Variants in NKAIN3 observed in about 807,000 individuals in gnomAD.
The protein encoded by NKAIN3 is sodium/potassium-transporting ATPase subunit beta-1-interacting protein 3.
In NKAIN3, 25 loss-of-function variants were observed where a neutral mutation model predicts 30.2. The observed-to-expected ratio is 0.83, with a 90% CI of 0.60 to 1.16. The LOEUF is 1.16. Among genes scored for constraint, NKAIN3 ranks in the 50% most tolerant of loss-of-function variants. The pLI is 0.00. For missense variants in NKAIN3, 225 were observed against 254.1 expected (o/e 0.89, Z 0.78); for synonymous variants, 91 against 89.6 (o/e 1.02, Z -0.09).
intron 1 of NKAIN3, among the ~76,000 whole-genome samples, chr8:62,566,861 T>G (rs1280179822): frequency 6.6e-6 from 1 of 152,122 alleles, no homozygotes; most frequent in African/African-American, 2.4e-5. Flanking sequence ...CAAATGATTT[T>G]CCTTATTATA....
In NKAIN3 at chr8:62,860,001, A is replaced by T. The variant is rs367997030; in HGVS notation, c.472-58452A>T. 3.3e-5 allele frequency among the ~76,000 whole-genome samples: 5 copies of T among 152,296 alleles called. No individual in the cohort carries two copies. The East Asian group carries it at 7.7e-4, about 24-fold the overall frequency. On this transcript the variant is annotated intron_variant, in intron 4 of 6. Transcript: ENST00000623646. ...TTTTCATTTTGAATTGTGGAGCCAG[A>T]CTGTGTCTCTATGTTGAGGGGAGGA...
intron 1 of NKAIN3, among the ~76,000 whole-genome samples, chr8:62,421,128 C>G (rs999818261): frequency 6.6e-6 from 1 of 152,128 alleles, no homozygotes; most frequent in African/African-American, 2.4e-5. Flanking sequence ...AAGGTCAGTC[C>G]TTACCATGAG....
intron 1 of NKAIN3, among the ~76,000 whole-genome samples, chr8:62,454,909 CT>C (rs1292259457): frequency 8.5e-5 from 13 of 152,206 alleles, no homozygotes; most frequent in Admixed American, 8.5e-4. Context: ...CTGAAAGCGC[CT>C]TGTATAGTGA....
chr8:62,887,354 T>G (rs1821176625), intron 4 of NKAIN3, among the ~76,000 whole-genome samples: 1 of 152,164 alleles, frequency 6.6e-6, no homozygotes, highest in Non-Finnish European at 1.5e-5. Context: ...ATGTAGTTTT[T>G]TTGGCATTTA....
Position 62,655,774 on chromosome 8 carries a change from G to T in NKAIN3, c.273+65980G>T, listed in dbSNP as rs563632182. On this transcript the variant is annotated intron_variant, in intron 3 of 6. Transcript: ENST00000623646. The stretch of plus-strand genomic sequence containing the variant: ...ATACAGGTTTGGAATTCAGGAAGGG[G>T]ATGATGATGTATATTTTGGTGTCCA... Among the ~76,000 whole-genome samples the T allele has an allele frequency of 7.2e-5, 11 of 152,172 alleles. No individual in the cohort carries two copies. In the East Asian group the frequency reaches 2.1e-3, roughly 29 times the overall value.
chr8:62,666,127 T>C (rs1158434352), intron 3 of NKAIN3, among the ~76,000 whole-genome samples: 1 of 151,994 alleles, frequency 6.6e-6, no homozygotes, highest in East Asian at 1.9e-4. Flanking sequence ...GGCAGAGAAT[T>C]GCTTGAACCC....
At chr8:62,555,281 A>G (rs1297947310) in intron 1 of NKAIN3, among the ~76,000 whole-genome samples, 1 of 152,174 alleles carries the variant, frequency 6.6e-6, no homozygotes, top group Non-Finnish European at 1.5e-5. Context: ...AAATAGCTGA[A>G]TTAAATCCAC....
At chr8:62,662,807 G>A (rs1269645158) in intron 3 of NKAIN3, among the ~76,000 whole-genome samples, 4 of 152,154 alleles carry the variant, frequency 2.6e-5, no homozygotes, top group Non-Finnish European at 4.4e-5. Context: ...GAATGTGTTT[G>A]GGAGATGATT....
At chr8:62,676,726 T>TC (rs1813489848) in intron 3 of NKAIN3, among the ~76,000 whole-genome samples, 1 of 151,982 alleles carries the variant, frequency 6.6e-6, no homozygotes, top group African/African-American at 2.4e-5. Flanking sequence ...TTTTTTTTTT[T>TC]TTTTTGAGAA....
intron 3 of NKAIN3, among the ~76,000 whole-genome samples, chr8:62,629,255 C>G (rs936662164): frequency 3.3e-5 from 5 of 152,114 alleles, no homozygotes; most frequent in Admixed American, 1.3e-4. Flanking sequence ...TCACCTCTAC[C>G]CTTTTTTGCA....
intron 1 of NKAIN3, among the ~76,000 whole-genome samples, chr8:62,263,683 G>C (rs1364737690): frequency 6.6e-6 from 1 of 152,048 alleles, no homozygotes; most frequent in East Asian, 1.9e-4. Context: ...TTAGAAATAG[G>C]TGGCCCAGAT....
chr8:62,539,678 C>A (rs576782701), intron 1 of NKAIN3, among the ~76,000 whole-genome samples: 1 of 152,150 alleles, frequency 6.6e-6, no homozygotes, highest in East Asian at 1.9e-4. Flanking sequence ...CATCCTCGAT[C>A]GCGTGAGCTC....
At chr8:62,435,436 T>C (rs1282332810) in intron 1 of NKAIN3, among the ~76,000 whole-genome samples, 2 of 149,568 alleles carry the variant, frequency 1.3e-5, no homozygotes, top group African/African-American at 2.4e-5. Flanking sequence ...TGCTGGGCAA[T>C]GGGTCATACT....
At chr8:62,438,927 G>T (rs1448578429) in intron 1 of NKAIN3, among the ~76,000 whole-genome samples, 3 of 152,170 alleles carry the variant, frequency 2.0e-5, no homozygotes, top group East Asian at 3.9e-4. Context: ...CACAGGGGCT[G>T]ATTGATGGCC....
chr8:62,733,542 T>C (rs542489034), intron 3 of NKAIN3, among the ~76,000 whole-genome samples: 2 of 152,308 alleles, frequency 1.3e-5, no homozygotes, highest in African/African-American at 4.8e-5. Context: ...TGGCAAGTTT[T>C]TCTCTTGACT....
intron 1 of NKAIN3, among the ~76,000 whole-genome samples, chr8:62,367,304 G>A (rs13267809): frequency 0.97 from 147,527 of 152,194 alleles, 71,558 homozygotes; most frequent in East Asian, 1. Context: ...GATGAACATA[G>A]ATGCAAAAAT....
At chr8:62,655,466 A>G (rs778405418) in intron 3 of NKAIN3, among the ~76,000 whole-genome samples, 1 of 152,146 alleles carries the variant, frequency 6.6e-6, no homozygotes, top group African/African-American at 2.4e-5. Context: ...GGTAGTGCAA[A>G]TAAGGTATTA....
chr8:62,538,141 G>A (rs1216489370), intron 1 of NKAIN3, among the ~76,000 whole-genome samples: 1 of 152,066 alleles, frequency 6.6e-6, no homozygotes, highest in Non-Finnish European at 1.5e-5. Flanking sequence ...AAGTACTTTG[G>A]AAAGGTAGTT....
chr8:62,687,635 G>GTAAAAGCACTCCTTTCTCTGAAGCATCA (rs1416625701), intron 3 of NKAIN3, among the ~76,000 whole-genome samples: 1 of 152,196 alleles, frequency 6.6e-6, no homozygotes, highest in African/African-American at 2.4e-5. Context: ...AAAAATGAGT[G>GTAAAAGCACTCCTTTCTCTGAAGCATCA]TAAAAGCACT....
Sources: allele counts gnomAD v4.1 joint callset (sites outside exome capture counted in the v4.1 genomes callset), GRCh38; gene constraint gnomAD v4.1.1; transcripts MANE v1.5; gene names NCBI Gene and HGNC (gene_info 2026-07-23, HGNC 2026-07-21).